Variants in FBXO11 observed in about 807,000 individuals in gnomAD.
The protein encoded by FBXO11 is F-box protein 11.
In FBXO11, 13 loss-of-function variants were observed where a neutral mutation model predicts 117.0. That is an observed-to-expected ratio of 0.11 (90% CI 0.07 to 0.18). The LOEUF (loss-of-function observed/expected upper bound fraction) is 0.18, where lower values mean the gene tolerates loss of function less well. FBXO11 is among the 10% of genes least tolerant of loss of function. The pLI, the probability that FBXO11 is intolerant of heterozygous loss-of-function variation, is 1.00. For synonymous variants in FBXO11, 490 were observed against 380.5 expected, an observed-to-expected ratio of 1.29 and a Z score of -3.35; for missense variants, 767 against 1,164.4, an observed-to-expected ratio of 0.66 and a Z score of 4.97.
chr2:47,816,990 T>C (rs948458385), intron 16 of FBXO11, among the ~76,000 whole-genome samples: 2 of 152,208 alleles, frequency 1.3e-5, no homozygotes, highest in Non-Finnish European at 2.9e-5. Context: ...AGCTTGCCCT[T>C]TGAAGTCAGG....
chr2:47,845,152 C>T (rs7579441), intron 1 of FBXO11, among the ~76,000 whole-genome samples: 9 of 151,604 alleles, frequency 5.9e-5, no homozygotes, highest in Non-Finnish European at 1.2e-4. Context: ...ACCCACCCAC[C>T]CCACCCTGGA....
At chr2:47,810,674 T>C in intron 18 of FBXO11, 1 of 361,086 alleles carries the variant, frequency 2.8e-6, no homozygotes, top group Non-Finnish European at 5.0e-6. Flanking sequence ...GGTCCATGTC[T>C]AAGTTTACTC....
intron 1 of FBXO11, among the ~76,000 whole-genome samples, chr2:47,903,555 T>C (rs1678485325): frequency 6.6e-6 from 1 of 152,140 alleles, no homozygotes; most frequent in South Asian, 2.1e-4. Context: ...AATAAAAGTG[T>C]CCAAGACAAA....
chr2:47,853,306 G>A (rs944483156), intron 1 of FBXO11, among the ~76,000 whole-genome samples: 4 of 151,918 alleles, frequency 2.6e-5, no homozygotes, highest in South Asian at 4.1e-4. Flanking sequence ...TTCTGACCTC[G>A]TGATCCACCT....
chr2:47,852,992 A>T (rs371905439), intron 1 of FBXO11, among the ~76,000 whole-genome samples: 4 of 152,208 alleles, frequency 2.6e-5, no homozygotes, highest in Non-Finnish European at 5.9e-5. Context: ...ATAATATTGG[A>T]TATATTTATT....
intron 1 of FBXO11, among the ~76,000 whole-genome samples, chr2:47,870,464 G>A (rs377525519): frequency 1.3e-5 from 2 of 152,128 alleles, no homozygotes; most frequent in African/African-American, 2.4e-5. Context: ...AATTCAATAG[G>A]ACTAGTGTCC....
intron 1 of FBXO11, among the ~76,000 whole-genome samples, chr2:47,877,787 C>T (rs970473336): frequency 7.2e-5 from 11 of 152,304 alleles, no homozygotes; most frequent in Middle Eastern, 3.4e-3. Flanking sequence ...CAGGTTCAAG[C>T]GATTCTCCTG....
At chr2:47,901,234 G>A (rs1337282913) in intron 1 of FBXO11, among the ~76,000 whole-genome samples, 1 of 149,510 alleles carries the variant, frequency 6.7e-6, no homozygotes, top group Non-Finnish European at 1.5e-5. Flanking sequence ...ACAAATATGG[G>A]ATTAGAGAGA....
At chr2:47,827,321 T>G (rs762241089) in intron 11 of FBXO11, among the ~76,000 whole-genome samples, 1 of 152,222 alleles carries the variant, frequency 6.6e-6, no homozygotes, top group Non-Finnish European at 1.5e-5. Flanking sequence ...TTGTTTGTTT[T>G]TGTTTTTGAG....
At chr2:47,813,010 GCTTA>G in intron 18 of FBXO11, 2 of 538,874 alleles carry the variant, frequency 3.7e-6, no homozygotes, top group South Asian at 2.1e-5. Flanking sequence ...CTTTAAAAAG[GCTTA>G]CTGACAACTG....
intron 1 of FBXO11, among the ~76,000 whole-genome samples, chr2:47,853,714 A>C (rs959651981): frequency 1.3e-5 from 2 of 152,214 alleles, no homozygotes; most frequent in African/African-American, 4.8e-5. Context: ...AAGATTAAGT[A>C]AGACTGATAA....
intron 1 of FBXO11, among the ~76,000 whole-genome samples, chr2:47,893,669 T>G (rs1677437065): frequency 6.6e-6 from 1 of 152,226 alleles, no homozygotes; most frequent in Non-Finnish European, 1.5e-5. Context: ...CCTAACAAAT[T>G]CAAACCTTGC....
At chr2:47,836,656 C>A (rs541815775) in intron 4 of FBXO11, among the ~76,000 whole-genome samples, 1 of 151,724 alleles carries the variant, frequency 6.6e-6, no homozygotes, top group African/African-American at 2.4e-5. Flanking sequence ...AATGTAACTG[C>A]GTATGAAAAT....
Position 47,839,506 on chromosome 2 carries a change from A to G in FBXO11, c.361-6T>C, listed in dbSNP as rs539949868. The G allele has an allele frequency of 1.2e-6, 2 of 1,613,416 alleles. No individual in the cohort carries two copies. The highest frequency in any genetic ancestry group is 4.5e-5 in the East Asian group (2 of 44,868). ...GTAGTTGAAGTTGAGGCGCCCTTCA[A>G]AAACAAAACAGAAACTAGTAAAGCA... On this transcript the variant is annotated splice_region_variant and splice_polypyrimidine_tract_variant and intron_variant, in intron 2 of 22. Coordinates refer to ENST00000403359, the MANE Select transcript of FBXO11 (RefSeq NM_001190274.2).
chr2:47,836,254 T>C (rs538371831), intron 4 of FBXO11, among the ~76,000 whole-genome samples: 1 of 152,186 alleles, frequency 6.6e-6, no homozygotes, highest in East Asian at 1.9e-4. Flanking sequence ...GCCTCCTGAG[T>C]AGCTGAGATT....
chr2:47,853,382 A>T, intron 1 of FBXO11, among the ~76,000 whole-genome samples: 1 of 152,250 alleles, frequency 6.6e-6, no homozygotes, highest in East Asian at 1.9e-4. Context: ...GGAATTAAAA[A>T]AATAATAATA....
At chr2:47,894,822 T>A (rs1181218171) in intron 1 of FBXO11, among the ~76,000 whole-genome samples, 2 of 152,136 alleles carry the variant, frequency 1.3e-5, no homozygotes, top group Non-Finnish European at 2.9e-5. Flanking sequence ...CATATTTTAA[T>A]AACAACTGTG....
At chr2:47,827,032 T>C (rs1385347317) in intron 11 of FBXO11, among the ~76,000 whole-genome samples, 2 of 152,252 alleles carry the variant, frequency 1.3e-5, no homozygotes, top group Non-Finnish European at 2.9e-5. Flanking sequence ...ATTGTATTAA[T>C]AAATTAGGTT....
At chr2:47,830,876 T>G (rs1310259193) in intron 11 of FBXO11, among the ~76,000 whole-genome samples, 1 of 152,132 alleles carries the variant, frequency 6.6e-6, no homozygotes, top group Non-Finnish European at 1.5e-5. Context: ...CTTGGCTCAC[T>G]GCAACCTCCG....
Sources: allele counts gnomAD v4.1 joint callset (sites outside exome capture counted in the v4.1 genomes callset), GRCh38; gene constraint gnomAD v4.1.1; transcripts MANE v1.5; gene names NCBI Gene and HGNC (gene_info 2026-07-23, HGNC 2026-07-21).